Variants in TANGO6 observed in about 807,000 individuals in gnomAD.
The protein encoded by TANGO6 is transport and golgi organization 6 homolog, also known as transport and Golgi organization protein 6 homolog.
A neutral mutation model predicts 114.2 loss-of-function variants in TANGO6; 90 were observed. The observed-to-expected ratio is 0.79, with a 90% CI of 0.66 to 0.94. TANGO6 has a LOEUF of 0.94. TANGO6 is among the 40% of genes least tolerant of loss of function. The pLI is 0.00. For missense variants in TANGO6, 1,274 were observed against 1,315.3 expected, an observed-to-expected ratio of 0.97 and a Z score of 0.49; for synonymous variants, 477 against 509.8, an observed-to-expected ratio of 0.94 and a Z score of 0.87.
chr16:69,067,813 T>C (rs1431627156), intron 17 of TANGO6, among the ~76,000 whole-genome samples: 2 of 151,724 alleles, frequency 1.3e-5, no homozygotes, highest in African/African-American at 4.8e-5. Context: ...GGCACATGAC[T>C]GTAATCCCAG....
Position 68,988,090 on chromosome 16 carries a change from A to G in TANGO6, c.2842+13922A>G, listed in dbSNP as rs1316638884. The stretch of plus-strand genomic sequence containing the variant: ...TCTCCTTCTAACTGTCACCCTAGTT[A>G]TCTGGTCTCCTCCAGAGTAAAATTC... On this transcript the variant is annotated intron_variant, in intron 15 of 17. Coordinates refer to ENST00000261778, the MANE Select transcript of TANGO6 (RefSeq NM_024562.2). Among the ~76,000 whole-genome samples, 3 of 152,120 alleles carry G rather than the reference A, an allele frequency of 2.0e-5. No homozygotes were observed. In the East Asian group the frequency reaches 5.8e-4, roughly 29 times the overall value.
At chr16:68,897,242 T>C (rs1962718118) in intron 7 of TANGO6, among the ~76,000 whole-genome samples, 1 of 152,172 alleles carries the variant, frequency 6.6e-6, no homozygotes, top group Non-Finnish European at 1.5e-5. Flanking sequence ...TCTTTCTGCA[T>C]GCTCTTCCCC....
chr16:68,953,378 C>T (rs1963493764), intron 14 of TANGO6, among the ~76,000 whole-genome samples: 1 of 152,032 alleles, frequency 6.6e-6, no homozygotes. Flanking sequence ...CCACTGCACC[C>T]GCCTCAACAG....
intron 16 of TANGO6, chr16:69,035,135 C>T (rs1235619336): frequency 6.6e-6 from 1 of 152,148 alleles, no homozygotes; most frequent in East Asian, 1.9e-4. Flanking sequence ...ACGGAATGAC[C>T]TGAATTTACT....
intron 11 of TANGO6, among the ~76,000 whole-genome samples, chr16:68,912,603 C>T (rs1024273025): frequency 3.3e-5 from 5 of 151,942 alleles, no homozygotes; most frequent in East Asian, 1.9e-4. Context: ...CACTGCACTG[C>T]GCTTCAGGCT....
intron 9 of TANGO6, among the ~76,000 whole-genome samples, chr16:68,907,099 ATTTTTT>A (rs546359676): frequency 8.7e-6 from 1 of 114,608 alleles, no homozygotes; most frequent in Non-Finnish European, 1.8e-5. Context: ...CCAGACCTTG[ATTTTTT>A]TTTTTTTTTT....
At chr16:69,052,872 G>A (rs1265732146) in intron 17 of TANGO6, among the ~76,000 whole-genome samples, 1 of 152,060 alleles carries the variant, frequency 6.6e-6, no homozygotes, top group Non-Finnish European at 1.5e-5. Flanking sequence ...ACTTTGGGAG[G>A]CCGAGGTGGG....
At chr16:68,886,427 T>C (rs376012324) in intron 7 of TANGO6, among the ~76,000 whole-genome samples, 1 of 152,108 alleles carries the variant, frequency 6.6e-6, no homozygotes, top group Non-Finnish European at 1.5e-5. Context: ...CTTTTCATTA[T>C]TGATGAGTTG....
chr16:68,954,095 G>T (rs1038560271), intron 14 of TANGO6, among the ~76,000 whole-genome samples: 4 of 151,290 alleles, frequency 2.6e-5, no homozygotes, highest in Non-Finnish European at 5.9e-5. Context: ...CAAAAAAAAA[G>T]AAAAGTTAGC....
chr16:69,067,690 C>G (rs1765385367), intron 17 of TANGO6, among the ~76,000 whole-genome samples: 1 of 151,928 alleles, frequency 6.6e-6, no homozygotes, highest in African/African-American at 2.4e-5. Flanking sequence ...CTAATCCCAG[C>G]ACTTTGGGAG....
chr16:68,918,467 T>C (rs1271134184), intron 11 of TANGO6, among the ~76,000 whole-genome samples: 1 of 152,218 alleles, frequency 6.6e-6, no homozygotes, highest in Non-Finnish European at 1.5e-5. Context: ...TCATGTTATC[T>C]TCGAGGAGTT....
At chr16:68,966,273 C>T (rs1031992590) in intron 14 of TANGO6, among the ~76,000 whole-genome samples, 3 of 151,938 alleles carry the variant, frequency 2.0e-5, no homozygotes, top group Non-Finnish European at 1.5e-5. Flanking sequence ...CCTGTAACCC[C>T]AGCACTTTGG....
chr16:69,043,418 G>T (rs1366089961), intron 17 of TANGO6, among the ~76,000 whole-genome samples: 1 of 151,924 alleles, frequency 6.6e-6, no homozygotes, highest in African/African-American at 2.4e-5. Context: ...AACCAACACC[G>T]CTTGTCTCAC....
At chr16:68,913,034 T>C (rs1962946613) in intron 11 of TANGO6, among the ~76,000 whole-genome samples, 1 of 147,424 alleles carries the variant, frequency 6.8e-6, no homozygotes, top group Non-Finnish European at 1.5e-5. Context: ...GAGCCGAGAT[T>C]GCGCCACTGC....
At chr16:68,943,913 A>G (rs1334554990) in intron 14 of TANGO6, among the ~76,000 whole-genome samples, 1 of 152,196 alleles carries the variant, frequency 6.6e-6, no homozygotes, top group Non-Finnish European at 1.5e-5. Context: ...GGAAAAAGAG[A>G]GTTAGCTTAG....
intron 4 of TANGO6, among the ~76,000 whole-genome samples, chr16:68,873,719 A>G (rs1284731281): frequency 6.6e-6 from 1 of 152,168 alleles, no homozygotes; most frequent in East Asian, 1.9e-4. Flanking sequence ...GTAATTTTTG[A>G]CTGGATGCTG....
intron 7 of TANGO6, among the ~76,000 whole-genome samples, chr16:68,889,682 C>A (rs964450392): frequency 6.6e-6 from 1 of 152,162 alleles, no homozygotes; most frequent in African/African-American, 2.4e-5. Flanking sequence ...TTTCTAAATG[C>A]TTTGGTTCAG....
Position 69,083,772 on chromosome 16 carries a change from C to A in TANGO6, c.*111C>A, listed in dbSNP as rs754913799. 2.8e-5 allele frequency: 36 copies of A among 1,281,898 alleles called. No individual in the cohort carries two copies. The highest frequency in any genetic ancestry group is 3.7e-5 in the Non-Finnish European group (35 of 947,642). The allele number at this position is 1,281,898 out of a possible 1,614,324, so 79.4% of individuals were successfully genotyped here. A position where few individuals can be genotyped will look rare whatever the true frequency, so the allele number is the denominator to read the frequency against. ...TCTTGAGTGCTGGCAGCATGGCTGACCCTCGGGGTGGTTTTATGGTGCAGG... is the reference window on the plus strand; with the variant it reads ...TCTTGAGTGCTGGCAGCATGGCTGAACCTCGGGGTGGTTTTATGGTGCAGG... On this transcript the variant is annotated 3_prime_UTR_variant, in exon 18 of 18. Coordinates refer to ENST00000261778, the MANE Select transcript of TANGO6 (RefSeq NM_024562.2).
intron 7 of TANGO6, among the ~76,000 whole-genome samples, chr16:68,890,699 A>G (rs541756778): frequency 6.6e-6 from 1 of 152,180 alleles, no homozygotes; most frequent in South Asian, 2.1e-4. Context: ...AGCCTGGCCA[A>G]TATGGTGAAA....
Sources: gnomAD v4.1 joint callset for allele counts (sites outside exome capture counted in the v4.1 genomes callset) on GRCh38, gnomAD v4.1.1 for gene constraint, MANE v1.5 for transcripts, NCBI Gene and HGNC (gene_info 2026-07-23, HGNC 2026-07-21) for gene names.